Variants in NBAS observed in about 807,000 individuals in gnomAD.
NBAS encodes the protein NAG/BC035112 fusion.
In NBAS, 219 loss-of-function variants were observed where a neutral mutation model predicts 302.5. The ratio of observed to expected loss-of-function variants is 0.72; its 90% CI spans 0.65 to 0.81. The LOEUF is 0.81. Among genes scored for constraint, NBAS ranks in the 30% least tolerant of loss-of-function variants. NBAS has a pLI of 0.00. For synonymous variants in NBAS, 1,118 were observed against 1,021.6 expected (o/e 1.09, Z -1.80); for missense variants, 2,932 against 2,841.6 (o/e 1.03, Z -0.72).
rs372235497 is a variant in NBAS, at chr2:15,218,625, T to A, written c.6432+148A>T. The A allele has an allele frequency of 1.6e-4, 150 of 955,050 alleles. No homozygotes were observed. In the African/African-American group the frequency reaches 2.1e-3, roughly 13 times the overall value. The allele number at this position is 955,050 out of a possible 1,614,324, so 59.2% of individuals were successfully genotyped here. On this transcript the variant is annotated intron_variant, in intron 48 of 51. Transcript: ENST00000281513. ...TAGTAGAGATGGGGTTTTGTCATGT[T>A]GGCCAGGTGCCAGGCTGGTCTTGAA...
chr2:15,040,899 G>A, the NBAS span, among the ~76,000 whole-genome samples: 1 of 152,192 alleles, frequency 6.6e-6, no homozygotes, highest in Non-Finnish European at 1.5e-5. Context: ...TTCCTGTGCG[G>A]TAAAATCAGT....
At chr2:15,113,320 CGTGTGTGTGTGT>C in the NBAS span, among the ~76,000 whole-genome samples, 99 of 129,934 alleles carry the variant, frequency 7.6e-4, 1 homozygote, top group Admixed American at 1.8e-3. Flanking sequence ...GGTATGAACT[CGTGTGTGTGTGT>C]GTGTGTGTGT....
At chr2:15,194,669 T>C (rs919554698) in intron 48 of NBAS, among the ~76,000 whole-genome samples, 1 of 152,186 alleles carries the variant, frequency 6.6e-6, no homozygotes, top group African/African-American at 2.4e-5. Context: ...TCCACATACA[T>C]GTTCTAAATC....
the NBAS span, among the ~76,000 whole-genome samples, chr2:14,994,562 C>T: frequency 6.6e-6 from 1 of 152,174 alleles, no homozygotes; most frequent in Non-Finnish European, 1.5e-5. Flanking sequence ...GTGGCTGACG[C>T]TCCTCGATTC....
At position 15,369,691 on chromosome 2, in the gene NBAS, T is replaced by C. The variant is rs149522940; in HGVS notation, c.3704-2998A>G. 5.1e-3 allele frequency among the ~76,000 whole-genome samples: 775 copies of C among 152,300 alleles called. 9 individuals carry two copies. The highest frequency in any genetic ancestry group is 0.017 in the African/African-American group (718 of 41,560). ...TCCTAAAATTCCTTTCCAAATTGAA[T>C]GAATGAACATGAAAAAGATAGGCAT... On this transcript the variant is annotated intron_variant, in intron 31 of 51. Transcript: ENST00000281513.
At chr2:15,220,695 GACTC>G (rs1666911238) in intron 47 of NBAS, among the ~76,000 whole-genome samples, 1 of 152,162 alleles carries the variant, frequency 6.6e-6, no homozygotes, top group African/African-American at 2.4e-5. Flanking sequence ...CCATACAGGA[GACTC>G]ACTCCCACAA....
At chr2:15,118,270 C>T in the NBAS span, among the ~76,000 whole-genome samples, 1 of 152,146 alleles carries the variant, frequency 6.6e-6, no homozygotes, top group African/African-American at 2.4e-5. Context: ...GCAGCTGGGG[C>T]TAGCGCAACT....
At chr2:15,085,657 A>G in the NBAS span, among the ~76,000 whole-genome samples, 1 of 152,104 alleles carries the variant, frequency 6.6e-6, no homozygotes, top group Non-Finnish European at 1.5e-5. Context: ...AAGTCAGGAT[A>G]ATGGATCCGG....
chr2:15,043,581 C>T, the NBAS span, among the ~76,000 whole-genome samples: 1 of 152,302 alleles, frequency 6.6e-6, no homozygotes, highest in East Asian at 1.9e-4. Flanking sequence ...TAATTTTAAA[C>T]AGCATCACAT....
At chr2:15,494,820 A>G (rs944602076) in intron 11 of NBAS, among the ~76,000 whole-genome samples, 3 of 152,130 alleles carry the variant, frequency 2.0e-5, no homozygotes, top group Non-Finnish European at 4.4e-5. Context: ...TTCTTTGAAA[A>G]AACTCCCAGA....
At chr2:15,417,940 G>C (rs899367938) in intron 23 of NBAS, among the ~76,000 whole-genome samples, 3 of 151,850 alleles carry the variant, frequency 2.0e-5, no homozygotes, top group Non-Finnish European at 4.4e-5. Context: ...ATACGGAAGA[G>C]AAAGACAACC....
chr2:14,819,614 G>A, the NBAS span, among the ~76,000 whole-genome samples: 1 of 152,188 alleles, frequency 6.6e-6, no homozygotes, highest in African/African-American at 2.4e-5. Flanking sequence ...CTAAGTCATA[G>A]ACAAATATCT....
the NBAS span, among the ~76,000 whole-genome samples, chr2:14,824,098 C>A: frequency 6.6e-6 from 1 of 152,248 alleles, no homozygotes; most frequent in Non-Finnish European, 1.5e-5. Context: ...TCTCATTCCA[C>A]TCTCAGCAAC....
chr2:14,849,373 T>A, the NBAS span, among the ~76,000 whole-genome samples: 3 of 149,314 alleles, frequency 2.0e-5, no homozygotes, highest in East Asian at 3.9e-4. Flanking sequence ...GAAGGGAAGT[T>A]TAGAGAAAAA....
the NBAS span, among the ~76,000 whole-genome samples, chr2:14,900,342 A>C: frequency 1.3e-5 from 2 of 152,146 alleles, no homozygotes; most frequent in Admixed American, 1.3e-4. Flanking sequence ...TTCCCACTAA[A>C]TGTGCCTGTT....
rs527640846 is a variant in NBAS at position 15,528,903 on chromosome 2, G to A, written c.746+5640C>T. ...AATATATATATATATATATATGTGT[G>A]TATATATATATACACACACACATAT... On this transcript the variant is annotated intron_variant, in intron 9 of 51. Transcript: ENST00000281513. Among the ~76,000 whole-genome samples the A allele has an allele frequency of 3.7e-3, 528 of 141,788 alleles. 4 individuals are homozygous for A. Among genetic ancestry groups the A allele is most frequent in the African/African-American group, 8.9e-3 (342 of 38,288 alleles). 93.0% of individuals were successfully genotyped at this position (141,788 alleles called of 152,430 possible).
the NBAS span, among the ~76,000 whole-genome samples, chr2:14,909,401 T>C: frequency 1.3e-5 from 1 of 78,980 alleles, no homozygotes; most frequent in African/African-American, 5.8e-5. Flanking sequence ...ATTTCCCACA[T>C]ACCTACACTG....
intron 12 of NBAS, among the ~76,000 whole-genome samples, chr2:15,478,701 G>T (rs1416289932): frequency 6.6e-6 from 1 of 152,090 alleles, no homozygotes; most frequent in Non-Finnish European, 1.5e-5. Context: ...TTTGAGACTT[G>T]ACTAGGCAAC....
intron 44 of NBAS, among the ~76,000 whole-genome samples, chr2:15,244,858 T>G (rs1043947729): frequency 6.6e-6 from 1 of 152,140 alleles, no homozygotes; most frequent in Non-Finnish European, 1.5e-5. Flanking sequence ...CGCTTCTCTA[T>G]GCTTCTCAAC....
Sources: allele counts gnomAD v4.1 joint callset (sites outside exome capture counted in the v4.1 genomes callset), GRCh38; gene constraint gnomAD v4.1.1; transcripts MANE v1.5; gene names NCBI Gene and HGNC (gene_info 2026-07-23, HGNC 2026-07-21).